ZHX2: variants seen among roughly 807,000 people sequenced by gnomAD.
The protein encoded by ZHX2 is zinc fingers and homeoboxes protein 2.
Under a neutral mutation model 21.9 loss-of-function variants are expected in ZHX2, and 6 were observed. The ratio of observed to expected loss-of-function variants is 0.27; its 90% CI spans 0.15 to 0.54. The LOEUF (loss-of-function observed/expected upper bound fraction) is 0.54, where lower values mean the gene tolerates loss of function less well. Among genes scored for constraint, ZHX2 ranks in the 20% least tolerant of loss-of-function variants. The pLI is 0.95. For missense variants in ZHX2, 908 were observed against 1,090.7 expected (o/e 0.83, Z 2.36); for synonymous variants, 434 against 437.1 (o/e 0.99, Z 0.09).
chr8:122,950,539 A>G (rs1425724636), intron 2 of ZHX2, among the ~76,000 whole-genome samples: 1 of 152,156 alleles, frequency 6.6e-6, no homozygotes, highest in Non-Finnish European at 1.5e-5. Context: ...ATGCATACCT[A>G]TGTAACAAAC....
intron 2 of ZHX2, among the ~76,000 whole-genome samples, chr8:122,913,717 A>G (rs1188609489): frequency 2.6e-5 from 4 of 152,246 alleles, no homozygotes; most frequent in Non-Finnish European, 4.4e-5. Context: ...ACCATCAGCA[A>G]TGGAGTTTAA....
At chr8:122,885,355 A>C (rs901822932) in intron 2 of ZHX2, among the ~76,000 whole-genome samples, 1 of 152,262 alleles carries the variant, frequency 6.6e-6, no homozygotes, top group South Asian at 2.1e-4. Flanking sequence ...GCCAGTCTGC[A>C]TGCATCAGCA....
intron 1 of ZHX2, among the ~76,000 whole-genome samples, chr8:122,818,843 G>C (rs1267135885): frequency 2.6e-5 from 4 of 152,216 alleles, no homozygotes; most frequent in African/African-American, 9.7e-5. Flanking sequence ...ACCAGTAACT[G>C]TAGGGATGGT....
At position 122,973,911 on chromosome 8, in the gene ZHX2, C is replaced by A. The variant is rs564636873; in HGVS notation, c.*674C>A. 3.3e-5 allele frequency: 5 copies of A among 152,616 alleles called. No individual in the cohort carries two copies. The East Asian group carries it at 9.6e-4, about 29-fold the overall frequency. The allele number at this position is 152,616 out of a possible 1,614,324, so 9.5% of individuals were successfully genotyped here. On this transcript the variant is annotated 3_prime_UTR_variant, in exon 4 of 4. Coordinates refer to ENST00000314393, the MANE Select transcript of ZHX2 (RefSeq NM_014943.5). Reference sequence around the variant, plus strand: ...TTTGGGGGTCCCTGCCTTAGCCCCACACAAGGCTTTCTGAACTGCCAAGAG... The same window carrying A: ...TTTGGGGGTCCCTGCCTTAGCCCCAAACAAGGCTTTCTGAACTGCCAAGAG...
At chr8:122,882,668 C>T (rs1819740835) in intron 2 of ZHX2, among the ~76,000 whole-genome samples, 1 of 152,114 alleles carries the variant, frequency 6.6e-6, no homozygotes, top group African/African-American at 2.4e-5. Flanking sequence ...CACACCCCAG[C>T]CAGGGTTATC....
chr8:122,867,714 T>C lies in ZHX2; in HGVS notation c.-220+4175T>C, dbSNP rs557513022. Among the ~76,000 whole-genome samples, 42 of 152,322 alleles carry C rather than the reference T, an allele frequency of 2.8e-4. No individual in the cohort carries two copies. In the South Asian group the frequency reaches 8.3e-3, roughly 30 times the overall value. The stretch of plus-strand genomic sequence containing the variant: ...AAATAATACATCTCACAGGGTTATT[T>C]GGGAGAGTAAATGAGATAAAATGTG... On this transcript the variant is annotated intron_variant, in intron 2 of 3. Coordinates refer to ENST00000314393, the MANE Select transcript of ZHX2 (RefSeq NM_014943.5).
intron 3 of ZHX2, among the ~76,000 whole-genome samples, chr8:122,963,899 GT>G (rs1813517818): frequency 6.6e-6 from 1 of 150,640 alleles, no homozygotes; most frequent in Non-Finnish European, 1.5e-5. Flanking sequence ...TTGTTTGTTT[GT>G]TTTTTTGCAC....
chr8:122,925,935 T>TGG (rs201457410), intron 2 of ZHX2, among the ~76,000 whole-genome samples: 2 of 151,330 alleles, frequency 1.3e-5, no homozygotes, highest in Admixed American at 1.3e-4. Flanking sequence ...TGGGACAGAG[T>TGG]GGGGGGGCAC....
At chr8:122,834,813 G>T (rs1818459977) in intron 1 of ZHX2, among the ~76,000 whole-genome samples, 1 of 152,148 alleles carries the variant, frequency 6.6e-6, no homozygotes. Flanking sequence ...TTAGGACCTT[G>T]GGTGATTTCT....
At chr8:122,935,181 T>C (rs1040410134) in intron 2 of ZHX2, among the ~76,000 whole-genome samples, 1 of 151,924 alleles carries the variant, frequency 6.6e-6, no homozygotes, top group Non-Finnish European at 1.5e-5. Context: ...TATTTGAAGC[T>C]CTTATCTCAT....
chr8:122,970,456 G>A (rs1813692215), intron 3 of ZHX2, among the ~76,000 whole-genome samples: 1 of 152,150 alleles, frequency 6.6e-6, no homozygotes. Flanking sequence ...AGCAGCCCGT[G>A]GGCTCTGTGC....
intron 1 of ZHX2, among the ~76,000 whole-genome samples, chr8:122,787,616 A>G (rs1817422560): frequency 2.0e-5 from 3 of 152,250 alleles, no homozygotes; most frequent in African/African-American, 7.2e-5. Context: ...GAATAGATTC[A>G]TGGATCTCTG....
intron 2 of ZHX2, among the ~76,000 whole-genome samples, chr8:122,934,741 T>G (rs1424177373): frequency 6.6e-6 from 1 of 152,056 alleles, no homozygotes; most frequent in Non-Finnish European, 1.5e-5. Flanking sequence ...CCAGGCTGGG[T>G]GCAATGGCAC....
At position 122,782,818 on chromosome 8, in the gene ZHX2, G is replaced by T. The variant is rs954612257; in HGVS notation, c.-283+872G>T. 2.6e-5 allele frequency among the ~76,000 whole-genome samples: 4 copies of T among 152,178 alleles called. No individual in the cohort carries two copies. Among genetic ancestry groups the T allele is most frequent in the African/African-American group, 9.6e-5 (4 of 41,464 alleles). On this transcript the variant is annotated intron_variant, in intron 1 of 3. Transcript: ENST00000314393. This position sits in a 1 kb window ranked among gnomAD's most constrained non-coding sequence, Gnocchi z 5.3. The stretch of plus-strand genomic sequence containing the variant: ...CCTCTGCCAGCCCGAGCCCACGTTC[G>T]CCCCCCTGAACGGCAGCTGGCGCTT...
At chr8:122,933,925 C>G (rs919466649) in intron 2 of ZHX2, among the ~76,000 whole-genome samples, 4 of 152,184 alleles carry the variant, frequency 2.6e-5, no homozygotes, top group African/African-American at 9.7e-5. Context: ...AATCCCAGCA[C>G]TTTGGGAAGC....
intron 1 of ZHX2, among the ~76,000 whole-genome samples, chr8:122,842,826 C>T (rs17288269): frequency 0.032 from 4,934 of 152,330 alleles, 127 homozygotes; most frequent in Non-Finnish European, 0.047. Context: ...GATGATCAGC[C>T]AGATTTGGCA....
intron 3 of ZHX2, among the ~76,000 whole-genome samples, chr8:122,971,421 A>C (rs978636821): frequency 1.3e-5 from 2 of 151,466 alleles, no homozygotes; most frequent in Non-Finnish European, 2.9e-5. Flanking sequence ...TCACCCCTGG[A>C]ATCTGGTTTT....
At chr8:122,902,846 T>C (rs113922988) in intron 2 of ZHX2, among the ~76,000 whole-genome samples, 6 of 152,290 alleles carry the variant, frequency 3.9e-5, no homozygotes, top group African/African-American at 1.2e-4. Context: ...CTATTTGAAA[T>C]GAAAAACAAG....
intron 1 of ZHX2, among the ~76,000 whole-genome samples, chr8:122,799,164 C>G (rs1440260750): frequency 6.6e-6 from 1 of 152,206 alleles, no homozygotes; most frequent in Non-Finnish European, 1.5e-5. Context: ...CCACTCCCAG[C>G]CCTTTTGATC....
Sources: gnomAD v4.1 joint callset for allele counts (sites outside exome capture counted in the v4.1 genomes callset) on GRCh38, gnomAD v4.1.1 for gene constraint, Gnocchi (gnomAD v3.1) non-coding constraint, MANE v1.5 for transcripts, NCBI Gene and HGNC (gene_info 2026-07-23, HGNC 2026-07-21) for gene names.